The following TUFT1 variants were observed in gnomAD, a reference collection of about 807,000 sequenced individuals.
The protein encoded by TUFT1 is tuftelin 1, also known as tuftelin.
In TUFT1, 43 loss-of-function variants were observed where a neutral mutation model predicts 57.8. That is an observed-to-expected ratio of 0.74 (90% CI 0.58 to 0.96). The LOEUF is 0.96. TUFT1 is among the 40% of genes least tolerant of loss of function. TUFT1 has a pLI of 0.00. For synonymous variants in TUFT1, 166 were observed against 176.7 expected (o/e 0.94, Z 0.48); for missense variants, 459 against 489.0 (o/e 0.94, Z 0.58).
intron 6 of TUFT1, among the ~76,000 whole-genome samples, chr1:151,566,530 G>A (rs1666086138): frequency 6.6e-6 from 1 of 152,126 alleles, no homozygotes; most frequent in South Asian, 2.1e-4. Context: ...TGATGCCTGG[G>A]TCCCATCCCT....
At chr1:151,577,220 C>T (rs116458337) in intron 9 of TUFT1, among the ~76,000 whole-genome samples, 3,090 of 152,226 alleles carry the variant, frequency 0.02, 108 homozygotes, top group African/African-American at 0.071. Flanking sequence ...GTTCTTGTGG[C>T]GGTTCATTAC....
chr1:151,564,582 C>G lies in TUFT1; in HGVS notation c.382C>G (p.Leu128Val). 1 of 1,614,124 alleles carries G rather than the reference C, an allele frequency of 6.2e-7. No individual in the cohort carries two copies. The highest frequency in any genetic ancestry group is 2.2e-5 in the East Asian group (1 of 44,886). ...EDISSKLDRN[L>V]GDSLHRQEIQ... Reference sequence around the variant, plus strand: ...TATAAGTAGCAAGCTTGACAGGAACCTAGGAGATTCTCTCCATCGACAGGA... The same window carrying G: ...TATAAGTAGCAAGCTTGACAGGAACGTAGGAGATTCTCTCCATCGACAGGA... The change falls in exon 5 of 13, where the codon CTA becomes GTA. Residue 128 changes from leucine to valine, a missense_variant. Physicochemically the swap from Leu to Val is conservative, Grantham distance 32 (BLOSUM62 1). Transcript: ENST00000368849.
In TUFT1 at chr1:151,559,982, G is replaced by A. The variant is rs189186462; in HGVS notation, c.61-2109G>A. 6.7e-4 allele frequency among the ~76,000 whole-genome samples: 101 copies of A among 151,840 alleles called. 1 individual carries two copies. The East Asian group carries it at 0.014, about 22-fold the overall frequency. On this transcript the variant is annotated intron_variant, in intron 1 of 12. Coordinates refer to ENST00000368849, the MANE Select transcript of TUFT1 (RefSeq NM_020127.3). Reference sequence around the variant, plus strand: ...CTAATTTTTTTGTATTTTTGGTAGAGATGGGGTTTCACCATGTTGGCCAGG... The same window carrying A: ...CTAATTTTTTTGTATTTTTGGTAGAAATGGGGTTTCACCATGTTGGCCAGG...
At chr1:151,561,513 G>A (rs1377116268) in intron 1 of TUFT1, 1 of 916,716 alleles carries the variant, frequency 1.1e-6, no homozygotes, top group East Asian at 1.3e-4. Context: ...ACACTTCTTT[G>A]ACTTATGAAA....
At chr1:151,557,693 A>C in intron 1 of TUFT1, 1 of 828,046 alleles carries the variant, frequency 1.2e-6, no homozygotes, top group Non-Finnish European at 2.1e-6. Context: ...GATTACCTTC[A>C]TCTGCCCCGG....
chr1:151,550,739 A>G (rs1193702170), intron 1 of TUFT1, among the ~76,000 whole-genome samples: 1 of 152,192 alleles, frequency 6.6e-6, no homozygotes, highest in African/African-American at 2.4e-5. Context: ...ATAGTAGTTC[A>G]TTGTACTAAT....
At chr1:151,569,249 T>C (rs1178579278) in intron 6 of TUFT1, among the ~76,000 whole-genome samples, 1 of 152,174 alleles carries the variant, frequency 6.6e-6, no homozygotes, top group Non-Finnish European at 1.5e-5. Context: ...GGGCGCGACA[T>C]AGTCCCTGTC....
At chr1:151,577,755 G>C (rs568737531) in intron 9 of TUFT1, among the ~76,000 whole-genome samples, 180 of 152,250 alleles carry the variant, frequency 1.2e-3, no homozygotes, top group Admixed American at 4.6e-3. Flanking sequence ...GGGCATGGCG[G>C]CTCACACCTG....
At chr1:151,543,397 G>A (rs11204845) in intron 1 of TUFT1, among the ~76,000 whole-genome samples, 55,487 of 151,268 alleles carry the variant, frequency 0.37, 10,522 homozygotes, top group Non-Finnish European at 0.41. Flanking sequence ...GGGTCTTGAT[G>A]TGAAATATGT....
intron 1 of TUFT1, among the ~76,000 whole-genome samples, chr1:151,541,733 C>G (rs1443899422): frequency 6.6e-6 from 1 of 152,188 alleles, no homozygotes; most frequent in Admixed American, 6.5e-5. Context: ...TGGCCAACCC[C>G]AGTTGCCCAA....
intron 1 of TUFT1, among the ~76,000 whole-genome samples, chr1:151,560,592 A>T (rs1470691694): frequency 1.3e-5 from 2 of 152,308 alleles, no homozygotes; most frequent in Middle Eastern, 3.4e-3. Context: ...GTAAGATGTC[A>T]TTTATGCAGC....
intron 1 of TUFT1, among the ~76,000 whole-genome samples, chr1:151,548,527 T>C (rs1283660528): frequency 6.6e-6 from 1 of 152,140 alleles, no homozygotes; most frequent in African/African-American, 2.4e-5. Flanking sequence ...GATCTCAATC[T>C]CTTAACCTCG....
rs34211422 is a variant in TUFT1 at position 151,562,544 on chromosome 1, A to ATCTC, written c.136-20_136-17dup. 1.3e-3 allele frequency: 1,863 copies of ATCTC among 1,395,748 alleles called. 2 individuals carry two copies. Among genetic ancestry groups the ATCTC allele is most frequent in the Middle Eastern group, 3.7e-3 (15 of 4,010 alleles). The allele number at this position is 1,395,748 out of a possible 1,614,324, so 86.5% of individuals were successfully genotyped here. ...GGGCTTGCCATGTGGTGTCTGAGCC[A>ATCTC]TCTCTCTCTCTCTCTCTCTCTCTCA... On this transcript the variant is annotated intron_variant, in intron 2 of 12. Coordinates refer to ENST00000368849, the MANE Select transcript of TUFT1 (RefSeq NM_020127.3).
At position 151,546,553 on chromosome 1, in the gene TUFT1, A is replaced by G. The variant is rs574841972; in HGVS notation, c.60+6127A>G. Among the ~76,000 whole-genome samples the G allele has an allele frequency of 2.0e-4, 30 of 152,300 alleles. No individual in the cohort carries two copies. The South Asian group carries it at 5.0e-3, about 25-fold the overall frequency. On this transcript the variant is annotated intron_variant, in intron 1 of 12. Transcript: ENST00000368849. ...CCCCCAATCTCTCTCAGCCCTAGGC[A>G]GCCACCAGTCTACTTTTTTTCTCTA...
At chr1:151,578,979 T>G (rs1232357789) in intron 10 of TUFT1, among the ~76,000 whole-genome samples, 153 bp downstream of exon 10, 1 of 152,236 alleles carries the variant, frequency 6.6e-6, no homozygotes, top group Non-Finnish European at 1.5e-5. Context: ...AGGATTTGCT[T>G]TTCTCCCATC....
intron 7 of TUFT1, among the ~76,000 whole-genome samples, chr1:151,571,267 G>T (rs1380358840): frequency 6.6e-6 from 1 of 152,168 alleles, no homozygotes; most frequent in Admixed American, 6.5e-5. Flanking sequence ...TATGTTAGCC[G>T]AAGTATTATT....
intron 1 of TUFT1, chr1:151,540,729 T>G: frequency 4.0e-5 from 15 of 374,198 alleles, no homozygotes; most frequent in Non-Finnish European, 6.0e-5. Flanking sequence ...AGGCGTCTTT[T>G]GGGCAGCCAC....
intron 12 of TUFT1, among the ~76,000 whole-genome samples, 183 bp downstream of exon 12, chr1:151,581,225 A>G (rs1279680952): frequency 6.6e-6 from 1 of 152,182 alleles, no homozygotes; most frequent in Non-Finnish European, 1.5e-5. Flanking sequence ...ACCTGTTAAC[A>G]CAAGCCCAGG....
chr1:151,566,213 C>T lies in TUFT1; in HGVS notation c.465C>T (p.Tyr155=), dbSNP rs376138866. 10 of 1,611,700 alleles carry T rather than the reference C, an allele frequency of 6.2e-6. No homozygotes were observed. Among genetic ancestry groups the T allele is most frequent in the African/African-American group, 1.3e-5 (1 of 74,892 alleles). Residue 155 remains tyrosine, a synonymous_variant, in exon 6 of 13, where the codon TAC becomes TAT. Transcript: ENST00000368849. The stretch of plus-strand genomic sequence containing the variant: ...TTAGTCAGAGTCCCACAGCCCTGTA[C>T]AGCAGCCCACCTGAGGTAGGTAACA... ...NGFSQSPTAL[Y]SSPPEVDTCI...
Sources: allele counts gnomAD v4.1 joint callset (sites outside exome capture counted in the v4.1 genomes callset), GRCh38; gene constraint gnomAD v4.1.1; transcripts MANE v1.5; gene names NCBI Gene and HGNC (gene_info 2026-07-23, HGNC 2026-07-21).